Variants in OCRL observed in about 807,000 individuals in gnomAD.
The protein encoded by OCRL is OCRL inositol polyphosphate-5-phosphatase, also known as inositol polyphosphate 5-phosphatase OCRL.
OCRL carries 8 observed loss-of-function variants against 78.9 expected under a neutral mutation model. That is an observed-to-expected ratio of 0.10 (90% confidence interval 0.06 to 0.18). The LOEUF (loss-of-function observed/expected upper bound fraction) is 0.18. Ranked by LOEUF, OCRL falls within the 10% of genes least tolerant of loss-of-function variation. The pLI is 1.00. For synonymous variants in OCRL, 240 were observed against 235.4 expected (o/e 1.02, Z -0.18); for missense variants, 454 against 696.7 (o/e 0.65, Z 3.92).
chrX:129,559,154 T>A (rs1246029663), intron 8 of OCRL, among the ~76,000 whole-genome samples, 153 bp downstream of exon 8: 2 of 112,271 alleles, frequency 1.8e-5, no homozygotes, highest in Non-Finnish European at 3.8e-5. Flanking sequence ...TGCTGGCCAA[T>A]AACATGCATA....
chrX:129,555,339 G>A (rs1284970880), intron 4 of OCRL, among the ~76,000 whole-genome samples: 1 of 110,922 alleles, frequency 9.0e-6, no homozygotes. Context: ...GCCGGACATG[G>A]TGGCGGGCAC....
intron 14 of OCRL, 48 bp from the exon 15 acceptor site, chrX:129,569,216 T>C: frequency 8.4e-7 from 1 of 1,191,188 alleles, no homozygotes; most frequent in Non-Finnish European, 1.1e-6. Flanking sequence ...GTAGGTATTA[T>C]GTTCTTGTGT....
intron 18 of OCRL, among the ~76,000 whole-genome samples, chrX:129,582,533 A>G (rs1264692353): frequency 8.9e-6 from 1 of 112,393 alleles, no homozygotes; most frequent in Non-Finnish European, 1.9e-5. Context: ...TCATGGGAGG[A>G]AAAATATAAA....
At chrX:129,561,895 C>G (rs1167071423) in intron 10 of OCRL, among the ~76,000 whole-genome samples, 1 of 111,578 alleles carries the variant, frequency 9.0e-6, no homozygotes, top group Non-Finnish European at 1.9e-5. Context: ...TAATAAAACT[C>G]CTGGGGATGT....
rs1936573571 is a variant in OCRL at position 129,590,529 on chromosome X, A to G, written c.*259A>G. The G allele has an allele frequency of 8.6e-6, 3 of 349,378 alleles. No homozygotes were observed. The highest frequency in any genetic ancestry group is 9.1e-5 in the Admixed American group (2 of 21,962). The allele number at this position is 349,378 out of a possible 1,213,427, so 28.8% of individuals were successfully genotyped here. ...CTCTTTATAAGGCAAAAAGATCTGT[A>G]TTTACACTCCTTCACCTAGGGATGT... On this transcript the variant is annotated 3_prime_UTR_variant, in exon 24 of 24. Coordinates refer to ENST00000371113, the MANE Select transcript of OCRL (RefSeq NM_000276.4).
chrX:129,588,786 G>A (rs1936549011), intron 21 of OCRL, 100 bp from the exon 22 acceptor site: 1 of 988,339 alleles, frequency 1.0e-6, no homozygotes, highest in Non-Finnish European at 1.4e-6. Context: ...TGAATAAGAG[G>A]AGGGAAACAG....
intron 3 of OCRL, among the ~76,000 whole-genome samples, chrX:129,547,297 G>T (rs1296189317): frequency 9.1e-6 from 1 of 110,111 alleles, no homozygotes; most frequent in Admixed American, 9.7e-5. Flanking sequence ...AGGCCAAGGT[G>T]GGCAGATCAC....
At position 129,562,792 on chromosome X, in the gene OCRL, T is replaced by C; in HGVS notation, c.1244+6T>C. On this transcript the variant is annotated splice_donor_region_variant and intron_variant, in intron 12 of 23. Transcript: ENST00000371113. ...TTGAACATCATGAAACATGAGTAAG[T>C]GGTTAACTCACCTGTAGCCTTTGAG... is the stretch of plus-strand genomic sequence containing the variant. The C allele has an allele frequency of 8.3e-7, 1 of 1,206,004 alleles. No individual in the cohort carries two copies. The highest frequency in any genetic ancestry group is 1.1e-6 in the Non-Finnish European group (1 of 890,439).
intron 14 of OCRL, among the ~76,000 whole-genome samples, chrX:129,568,659 T>G (rs1242945181): frequency 1.8e-5 from 2 of 112,516 alleles, no homozygotes; most frequent in East Asian, 5.6e-4. Context: ...TCCCTACCCT[T>G]GGTATTCTGT....
In OCRL at chrX:129,588,958, A is replaced by T; in HGVS notation, c.2414A>T (p.Tyr805Phe). ...GCCCTGCCAGAGCCAGTCATCTGTT[A>T]CGAGCTGTATCAGCGATGTCTTGAC... ...LEALPEPVIC[Y>F]ELYQRCLDSA... is the part of the protein sequence containing the mutation. Residue 805 changes from tyrosine (Y) to phenylalanine (F), a missense_variant, in exon 22 of 24, where the codon TAC becomes TTC. By Grantham distance (22) the Tyr-to-Phe change is conservative (BLOSUM62 3). Coordinates refer to ENST00000371113, the MANE Select transcript of OCRL (RefSeq NM_000276.4). The T allele has an allele frequency of 8.3e-7, 1 of 1,211,646 alleles. No individual in the cohort carries two copies. Among genetic ancestry groups the T allele is most frequent in the Admixed American group, 2.2e-5 (1 of 46,082 alleles).
chrX:129,547,524 C>CAA (rs1177506776), intron 3 of OCRL, among the ~76,000 whole-genome samples: 2,789 of 34,859 alleles, frequency 0.08, 387 homozygotes, highest in East Asian at 0.65. Context: ...GACTCCGTCT[C>CAA]AAAAAAAAAA....
At chrX:129,588,152 G>T (rs1359916443) in intron 20 of OCRL, 27 bp from the exon 21 acceptor site, 1 of 1,076,830 alleles carries the variant, frequency 9.3e-7, no homozygotes, top group Non-Finnish European at 1.3e-6. Flanking sequence ...TATCTTGCCT[G>T]TCCCTTCATT....
intron 18 of OCRL, among the ~76,000 whole-genome samples, chrX:129,582,348 C>T (rs1936454103): frequency 8.9e-6 from 1 of 112,408 alleles, no homozygotes; most frequent in Non-Finnish European, 1.9e-5. Flanking sequence ...AGGGACAAAC[C>T]AGGTCTTTCT....
At position 129,565,825 on chromosome X, in the gene OCRL, A is replaced by G. The variant is rs1556348049; in HGVS notation, c.1298A>G (p.Asn433Ser). ...TATAGACTTTGCATGCCTGATGCCA[A>G]TGAGGTGAAAAGTCTTATTAATAAG... ...LNYRLCMPDA[N>S]EVKSLINKKD... Residue 433 changes from asparagine to serine, a missense_variant, in exon 13 of 24, where the codon AAT (asparagine) becomes AGT (serine). This residue lies in a region of OCRL where 277 missense variants were observed against 517.1 expected (regional missense o/e 0.54). Transcript: ENST00000371113. 2.5e-6 allele frequency: 3 copies of G among 1,209,553 alleles called. No individual in the cohort carries two copies. Among genetic ancestry groups the G allele is most frequent in the Non-Finnish European group, 3.4e-6 (3 of 893,674 alleles).
chrX:129,561,941 C>G (rs1488407937), intron 10 of OCRL, among the ~76,000 whole-genome samples: 1 of 111,757 alleles, frequency 8.9e-6, no homozygotes, highest in African/African-American at 3.3e-5. Flanking sequence ...TAATGTATAT[C>G]TCAGACATAT....
intron 15 of OCRL, among the ~76,000 whole-genome samples, chrX:129,571,363 G>GTTT (rs1301308479): frequency 1.6e-4 from 13 of 80,514 alleles, no homozygotes; most frequent in African/African-American, 2.4e-4. Context: ...TTGTTTTTTG[G>GTTT]TTTTTTTTTT....
At chrX:129,541,315 C>A in intron 2 of OCRL, among the ~76,000 whole-genome samples, 1 of 112,102 alleles carries the variant, frequency 8.9e-6, no homozygotes, top group Non-Finnish European at 1.9e-5. Context: ...TCTCCAGTCT[C>A]CCCGTCCCCT....
intron 4 of OCRL, among the ~76,000 whole-genome samples, chrX:129,550,293 A>G (rs1935941574): frequency 8.9e-6 from 1 of 112,262 alleles, no homozygotes; most frequent in African/African-American, 3.2e-5. Flanking sequence ...ATATTTTTAC[A>G]TAATTGGAAT....
chrX:129,587,810 G>A (rs556324105), intron 20 of OCRL, among the ~76,000 whole-genome samples: 2 of 108,585 alleles, frequency 1.8e-5, no homozygotes, highest in African/African-American at 6.7e-5. Flanking sequence ...AGAGACGGGC[G>A]CATTGCTTGA....
Sources: gnomAD v4.1 joint callset for allele counts (sites outside exome capture counted in the v4.1 genomes callset) on GRCh38, gnomAD v4.1.1 for gene constraint, gnomAD v4.1.1 regional missense constraint, MANE v1.5 for transcripts, NCBI Gene and HGNC (gene_info 2026-07-23, HGNC 2026-07-21) for gene names.